SHANK2: variants seen among roughly 807,000 people sequenced by gnomAD.
The protein encoded by SHANK2 is SH3 and multiple ankyrin repeat domains protein 2.
A neutral mutation model predicts 133.7 loss-of-function variants in SHANK2; 43 were observed. The ratio of observed to expected loss-of-function variants is 0.32; its 90% CI spans 0.25 to 0.41. The LOEUF is 0.41. SHANK2 is among the 10% of genes least tolerant of loss of function. The pLI is 1.00. For missense variants in SHANK2, 1,994 were observed against 2,235.8 expected, an observed-to-expected ratio of 0.89 and a Z score of 2.18; for synonymous variants, 1,017 against 952.8, an observed-to-expected ratio of 1.07 and a Z score of -1.24.
chr11:70,659,440 C>T (rs972433453), intron 17 of SHANK2, among the ~76,000 whole-genome samples: 4 of 152,090 alleles, frequency 2.6e-5, no homozygotes, highest in Admixed American at 6.6e-5. Flanking sequence ...GAGTGGTTGC[C>T]GACTCACCCA....
intron 6 of SHANK2, 60 bp downstream of exon 6, chr11:71,109,881 G>T (rs1951865036): frequency 9.8e-7 from 1 of 1,019,776 alleles, no homozygotes; most frequent in Admixed American, 2.0e-5. Context: ...CCTGAGCAGT[G>T]GGCTGGCCTT....
intron 14 of SHANK2, among the ~76,000 whole-genome samples, chr11:70,716,766 G>A (rs1945932988): frequency 6.6e-6 from 1 of 152,222 alleles, no homozygotes; most frequent in Non-Finnish European, 1.5e-5. Flanking sequence ...CCAGCGGGGA[G>A]ACTGGGCAGG....
At chr11:70,726,559 G>A (rs1243323998) in intron 14 of SHANK2, among the ~76,000 whole-genome samples, 1 of 152,128 alleles carries the variant, frequency 6.6e-6, no homozygotes, top group Non-Finnish European at 1.5e-5. Context: ...AAAAGGCAGG[G>A]GCAAGTGTCT....
chr11:70,783,298 C>T (rs1388664083), intron 14 of SHANK2, among the ~76,000 whole-genome samples: 3 of 152,104 alleles, frequency 2.0e-5, no homozygotes, highest in South Asian at 2.1e-4. Flanking sequence ...CCAGCCTGAC[C>T]ACGGTCACCC....
chr11:70,874,268 C>CCAATCT (rs879964139), intron 11 of SHANK2, among the ~76,000 whole-genome samples: 2,894 of 152,048 alleles, frequency 0.019, 50 homozygotes, highest in Middle Eastern at 0.034. Context: ...TAATCTAATC[C>CCAATCT]AATCTAATCT....
intron 10 of SHANK2, among the ~76,000 whole-genome samples, chr11:70,899,579 A>G (rs1288812079): frequency 6.6e-6 from 1 of 152,204 alleles, no homozygotes; most frequent in African/African-American, 2.4e-5. Context: ...CCACATTCAG[A>G]GAGTCAGAAG....
At chr11:70,493,680 G>A (rs997404400) in intron 21 of SHANK2, among the ~76,000 whole-genome samples, 7 of 152,106 alleles carry the variant, frequency 4.6e-5, no homozygotes, top group East Asian at 1.9e-4. Context: ...AGATGTCACT[G>A]GGTTGGGACA....
At chr11:71,073,147 C>CTTTTCTTTTTTTTTTTTTTTTTTTTTT (rs1951166965) in intron 9 of SHANK2, among the ~76,000 whole-genome samples, 3 of 62,716 alleles carry the variant, frequency 4.8e-5, no homozygotes, top group African/African-American at 8.4e-5. Context: ...TTTTTCTTTT[C>CTTTTCTTTTTTTTTTTTTTTTTTTTTT]TTTTTTTTCT....
At chr11:71,235,606 A>AC (rs1954817358) in intron 1 of SHANK2, among the ~76,000 whole-genome samples, 1 of 151,418 alleles carries the variant, frequency 6.6e-6, no homozygotes, top group Admixed American at 6.6e-5. Flanking sequence ...GGAAAAAAAA[A>AC]AAAACGTTAA....
At chr11:70,759,803 G>A (rs1591820330) in intron 14 of SHANK2, among the ~76,000 whole-genome samples, 1 of 152,170 alleles carries the variant, frequency 6.6e-6, no homozygotes, top group African/African-American at 2.4e-5. Context: ...TAAAACCATT[G>A]CAGCTCCACC....
At chr11:71,071,105 T>A (rs1047764575) in intron 9 of SHANK2, among the ~76,000 whole-genome samples, 1 of 152,186 alleles carries the variant, frequency 6.6e-6, no homozygotes, top group African/African-American at 2.4e-5. Context: ...GTTTTCAAGA[T>A]AAAATGTGCT....
intron 14 of SHANK2, among the ~76,000 whole-genome samples, chr11:70,771,013 C>T (rs982381682): frequency 1.3e-5 from 2 of 150,956 alleles, no homozygotes; most frequent in South Asian, 4.2e-4. Flanking sequence ...CAACCTCCGC[C>T]TCCCAGGCTC....
At position 70,496,914 on chromosome 11, in the gene SHANK2, C is replaced by T. The variant is rs1207303572; in HGVS notation, c.2308+3656G>A. 4 of 455,600 alleles carry T rather than the reference C, an allele frequency of 8.8e-6. No homozygotes were observed. The East Asian group carries it at 2.1e-4, about 24-fold the overall frequency. The allele number at this position is 455,600 out of a possible 1,614,324, so 28.2% of individuals were successfully genotyped here. On this transcript the variant is annotated intron_variant, in intron 21 of 25. Coordinates refer to ENST00000601538, the MANE Select transcript of SHANK2 (RefSeq NM_012309.5). ...ACAGTCGCCACATCAGAGGGTGGGG[C>T]TGGTCATGTCATTGAAGGTGCATCC...
intron 8 of SHANK2, among the ~76,000 whole-genome samples, chr11:71,082,951 C>CT (rs1325740500): frequency 6.7e-6 from 1 of 148,412 alleles, no homozygotes; most frequent in Non-Finnish European, 1.5e-5. Context: ...CCGCCCCCCC[C>CT]CCAACCCTTC....
At chr11:70,698,561 C>T (rs762638115) in intron 15 of SHANK2, 127 bp downstream of exon 15, 123 of 694,266 alleles carry the variant, frequency 1.8e-4, no homozygotes, top group South Asian at 7.7e-5. Flanking sequence ...AGTCCTAGCC[C>T]GGTAACAGGC....
At position 70,467,878 on chromosome 11, in the gene SHANK2, C is replaced by G. The variant is rs868957690; in HGVS notation, c.*4991G>C. On this transcript the variant is annotated 3_prime_UTR_variant, in exon 26 of 26. Transcript: ENST00000601538. ...ATTTCAATTTACTTTTTATTTTTAACTTAAACGACTGTGTATTTTCCACAG... is the reference window on the plus strand; with the variant it reads ...ATTTCAATTTACTTTTTATTTTTAAGTTAAACGACTGTGTATTTTCCACAG... 6.6e-6 allele frequency: 1 copy of G among 152,024 alleles called. No homozygotes were observed. Among genetic ancestry groups the G allele is most frequent in the African/African-American group, 2.4e-5 (1 of 41,316 alleles). The allele number at this position is 152,024 out of a possible 1,614,324, so 9.4% of individuals were successfully genotyped here.
At chr11:71,063,755 G>A (rs1368117838) in intron 9 of SHANK2, among the ~76,000 whole-genome samples, 1 of 152,172 alleles carries the variant, frequency 6.6e-6, no homozygotes, top group Non-Finnish European at 1.5e-5. Context: ...AGAAGCAATT[G>A]GAATGCTTTT....
intron 15 of SHANK2, among the ~76,000 whole-genome samples, chr11:70,684,858 A>G (rs1945112206): frequency 6.6e-6 from 1 of 152,064 alleles, no homozygotes; most frequent in Non-Finnish European, 1.5e-5. Flanking sequence ...ACTCTGCCTC[A>G]GTGTACCCTT....
intron 9 of SHANK2, among the ~76,000 whole-genome samples, chr11:71,062,005 G>T (rs1950994144): frequency 1.4e-5 from 2 of 144,140 alleles, no homozygotes; most frequent in African/African-American, 5.3e-5. Context: ...TTGAGACAGG[G>T]TCTTGCTCTG....
Sources: allele counts gnomAD v4.1 joint callset (sites outside exome capture counted in the v4.1 genomes callset), GRCh38; gene constraint gnomAD v4.1.1; transcripts MANE v1.5; gene names NCBI Gene and HGNC (gene_info 2026-07-23, HGNC 2026-07-21).